Variants in TMEM45A observed in about 807,000 individuals in gnomAD.
The protein encoded by TMEM45A is DNA polymerase-transactivated protein 4.
A neutral mutation model predicts 32.0 loss-of-function variants in TMEM45A; 25 were observed. The observed-to-expected ratio is 0.78, with a 90% CI of 0.57 to 1.09. TMEM45A has a LOEUF of 1.09. TMEM45A is among the 50% of genes least tolerant of loss of function. The pLI is 0.00. For synonymous variants in TMEM45A, 122 were observed against 114.8 expected (o/e 1.06, Z -0.40); for missense variants, 302 against 325.0 (o/e 0.93, Z 0.54).
chr3:100,499,817 C>T (rs1408646674), intron 1 of TMEM45A, among the ~76,000 whole-genome samples: 2 of 152,114 alleles, frequency 1.3e-5, no homozygotes, highest in Admixed American at 6.6e-5. Flanking sequence ...TGGAGGCTAC[C>T]GTGAGCCGAG....
At chr3:100,552,395 G>A (rs564557850) in intron 1 of TMEM45A, among the ~76,000 whole-genome samples, 2 of 152,266 alleles carry the variant, frequency 1.3e-5, no homozygotes, top group Admixed American at 1.3e-4. Context: ...GGGTGTAATA[G>A]GGACCCTCCC....
At chr3:100,537,689 C>T (rs1403736459) in intron 1 of TMEM45A, among the ~76,000 whole-genome samples, 2 of 152,228 alleles carry the variant, frequency 1.3e-5, no homozygotes, top group Non-Finnish European at 2.9e-5. Context: ...AAGAACAGGG[C>T]CACAGGGCAT....
chr3:100,526,829 A>T (rs7629601), intron 1 of TMEM45A, among the ~76,000 whole-genome samples: 1 of 152,226 alleles, frequency 6.6e-6, no homozygotes, highest in South Asian at 2.1e-4. Context: ...ATTAAGCAAG[A>T]TCCTTTGCAA....
intron 1 of TMEM45A, among the ~76,000 whole-genome samples, chr3:100,523,574 T>C (rs1248996131): frequency 1.3e-5 from 2 of 152,202 alleles, no homozygotes; most frequent in African/African-American, 4.8e-5. Flanking sequence ...TTCTTGCACT[T>C]GGAGAGTGGT....
intron 5 of TMEM45A, among the ~76,000 whole-genome samples, chr3:100,570,038 C>A (rs1706526848): frequency 2.0e-5 from 3 of 152,200 alleles, no homozygotes. Flanking sequence ...AAGACTCCAG[C>A]ACCTAATCCT....
chr3:100,531,604 T>C (rs1018584075), intron 1 of TMEM45A, among the ~76,000 whole-genome samples: 4 of 151,970 alleles, frequency 2.6e-5, no homozygotes, highest in Non-Finnish European at 5.9e-5. Flanking sequence ...ATTGAATTGC[T>C]ATCATGATGG....
intron 1 of TMEM45A, among the ~76,000 whole-genome samples, chr3:100,517,274 G>A (rs1043208752): frequency 6.6e-6 from 1 of 152,018 alleles, no homozygotes; most frequent in Non-Finnish European, 1.5e-5. Flanking sequence ...GTGCCACCAC[G>A]CCCGATTAAT....
At chr3:100,555,737 G>T (rs534064852) in intron 2 of TMEM45A, among the ~76,000 whole-genome samples, 1 of 152,198 alleles carries the variant, frequency 6.6e-6, no homozygotes, top group East Asian at 1.9e-4. Context: ...AATGTTCTGT[G>T]TTCTTGAGAG....
rs757877511 is a variant in TMEM45A at position 100,568,843 on chromosome 3, C to T, written c.610C>T (p.Pro204Ser). 1 of 1,612,822 alleles carries T rather than the reference C, an allele frequency of 6.2e-7. No individual in the cohort carries two copies. Among genetic ancestry groups the T allele is most frequent in the East Asian group, 2.2e-5 (1 of 44,852 alleles). Residue 204 changes from proline (P) to serine (S), a missense_variant, in exon 5 of 6, where the codon CCC (proline) becomes TCC (serine). Transcript: ENST00000323523. ...FFQIGFVLYP[P>S]SGGPAWDLMD... The stretch of plus-strand genomic sequence containing the variant: ...ACAGATTGGATTTGTCCTGTATCCC[C>T]CCAGTGGAGGTCCTGCATGGGATCT...
Position 100,558,457 on chromosome 3 carries a change from G to T in TMEM45A, c.456G>T (p.Val152=), listed in dbSNP as rs1158932639. 2 of 1,613,932 alleles carry T rather than the reference G, an allele frequency of 1.2e-6. No individual in the cohort carries two copies. The highest frequency in any genetic ancestry group is 1.7e-6 in the Non-Finnish European group (2 of 1,180,020). The change falls in exon 4 of 6, where the codon GTG becomes GTT. Residue 152 remains valine, a synonymous_variant. Coordinates refer to ENST00000323523, the MANE Select transcript of TMEM45A (RefSeq NM_018004.3). ...THGREMLDIF[V]HQLLVLVVFL... The stretch of plus-strand genomic sequence containing the variant: ...GCCGGGAAATGCTGGACATCTTTGT[G>T]CACCAGCTGCTGGTTTTGGTCGTCT...
At chr3:100,549,246 C>CAAA (rs138924580) in intron 1 of TMEM45A, among the ~76,000 whole-genome samples, 1 of 146,330 alleles carries the variant, frequency 6.8e-6, no homozygotes, top group African/African-American at 2.6e-5. Context: ...GATCCTGTCT[C>CAAA]AAAAAAAAAC....
chr3:100,539,882 A>T (rs1705830159), intron 1 of TMEM45A, among the ~76,000 whole-genome samples: 1 of 152,204 alleles, frequency 6.6e-6, no homozygotes, highest in African/African-American at 2.4e-5. Flanking sequence ...TCAAATTGAC[A>T]CATAAAATTA....
At chr3:100,565,304 T>A (rs898718305) in intron 4 of TMEM45A, among the ~76,000 whole-genome samples, 1 of 152,224 alleles carries the variant, frequency 6.6e-6, no homozygotes, top group African/African-American at 2.4e-5. Context: ...GGTACCGCCA[T>A]CTGTCAGACA....
intron 1 of TMEM45A, among the ~76,000 whole-genome samples, chr3:100,540,269 CA>C (rs1390094889): frequency 6.6e-6 from 1 of 152,084 alleles, no homozygotes; most frequent in Non-Finnish European, 1.5e-5. Context: ...AGACAAACCA[CA>C]GACTGGGGAA....
chr3:100,508,309 C>G (rs148695773), intron 1 of TMEM45A, among the ~76,000 whole-genome samples: 1 of 152,110 alleles, frequency 6.6e-6, no homozygotes. Flanking sequence ...GGTGCCCTTT[C>G]GAGAGCCCAG....
intron 5 of TMEM45A, among the ~76,000 whole-genome samples, chr3:100,570,061 G>A (rs1706527307): frequency 6.6e-6 from 1 of 152,200 alleles, no homozygotes; most frequent in African/African-American, 2.4e-5. Context: ...AGACTTCAGT[G>A]CTGATTGAAA....
chr3:100,568,086 G>C (rs1706481554), intron 4 of TMEM45A, among the ~76,000 whole-genome samples: 1 of 152,024 alleles, frequency 6.6e-6, no homozygotes, highest in Non-Finnish European at 1.5e-5. Flanking sequence ...CGCCTGGCCA[G>C]AACTGTTTTC....
intron 1 of TMEM45A, among the ~76,000 whole-genome samples, chr3:100,511,654 C>T (rs1241691532): frequency 2.7e-5 from 4 of 150,208 alleles, no homozygotes; most frequent in Non-Finnish European, 6.0e-5. Flanking sequence ...GGACTAAATG[C>T]TCCAATTAAA....
Position 100,514,157 on chromosome 3 carries a change from C to T in TMEM45A, c.-4+21229C>T, listed in dbSNP as rs1463733638. ...GTTCATATGGAACCAAAAAAGAGCC[C>T]GCATTGCCAAGTCAATCCTAAGCCA... is the stretch of plus-strand genomic sequence containing the variant. On this transcript the variant is annotated intron_variant, in intron 1 of 5. Transcript: ENST00000323523. Among the ~76,000 whole-genome samples the T allele has an allele frequency of 9.9e-5, 15 of 152,192 alleles. 1 individual carries two copies. The highest frequency in any genetic ancestry group is 2.4e-4 in the African/African-American group (10 of 41,506).
Sources: gnomAD v4.1 joint callset for allele counts (sites outside exome capture counted in the v4.1 genomes callset) on GRCh38, gnomAD v4.1.1 for gene constraint, MANE v1.5 for transcripts, NCBI Gene and HGNC (gene_info 2026-07-23, HGNC 2026-07-21) for gene names.